DNTT: variants seen among roughly 807,000 people sequenced by gnomAD.
DNTT encodes DNA nucleotidylexotransferase.
DNTT carries 47 observed loss-of-function variants against 60.9 expected under a neutral mutation model. The observed-to-expected ratio is 0.77, with a 90% CI of 0.61 to 0.98. The LOEUF (loss-of-function observed/expected upper bound fraction) is 0.98. Ranked by LOEUF, DNTT falls within the 50% of genes least tolerant of loss-of-function variation. DNTT has a pLI of 0.00. For synonymous variants in DNTT, 224 were observed against 221.2 expected (o/e 1.01, Z -0.11); for missense variants, 665 against 627.5 (o/e 1.06, Z -0.64).
chr10:96,324,244 C>T (rs1013320167), intron 5 of DNTT, 22 bp from the exon 6 acceptor site: 4 of 1,607,224 alleles, frequency 2.5e-6, no homozygotes, highest in African/African-American at 1.3e-5. Context: ...AGACTGATGG[C>T]ATGCCTTTCC....
chr10:96,319,500 C>T (rs1355599237), intron 3 of DNTT, 110 bp downstream of exon 3: 3 of 1,481,388 alleles, frequency 2.0e-6, no homozygotes, highest in Non-Finnish European at 2.8e-6. Flanking sequence ...AAGTTTTCCT[C>T]CCACCTACCT....
intron 10 of DNTT, among the ~76,000 whole-genome samples, chr10:96,336,651 G>C (rs952851339): frequency 2.0e-5 from 3 of 152,104 alleles, no homozygotes; most frequent in Non-Finnish European, 4.4e-5. Context: ...AAAATAACTA[G>C]AAGTAATGGT....
intron 8 of DNTT, among the ~76,000 whole-genome samples, chr10:96,329,707 C>T (rs577763241): frequency 9.9e-5 from 15 of 152,280 alleles, no homozygotes; most frequent in African/African-American, 3.6e-4. Context: ...CAAACTGACA[C>T]GAGTTTGAAT....
chr10:96,315,951 C>T (rs1346564674), intron 1 of DNTT, among the ~76,000 whole-genome samples: 1 of 152,070 alleles, frequency 6.6e-6, no homozygotes, highest in Non-Finnish European at 1.5e-5. Flanking sequence ...TAGAATGTTG[C>T]TTTGCCATGA....
intron 1 of DNTT, among the ~76,000 whole-genome samples, chr10:96,314,402 C>CTGTTTTTTTTT (rs1844758783): frequency 1.9e-5 from 1 of 53,230 alleles, no homozygotes. Context: ...TATCTCTTCC[C>CTGTTTTTTTTT]TTTTTTTTTT....
chr10:96,331,509 C>T (rs939333167), intron 8 of DNTT, among the ~76,000 whole-genome samples: 7 of 152,078 alleles, frequency 4.6e-5, no homozygotes, highest in Non-Finnish European at 1.0e-4. Flanking sequence ...AGAGAGAAAG[C>T]AAGACAGAGT....
chr10:96,325,756 G>A (rs1393171459), intron 6 of DNTT, among the ~76,000 whole-genome samples: 3 of 152,224 alleles, frequency 2.0e-5, no homozygotes, highest in Non-Finnish European at 4.4e-5. Flanking sequence ...CCTTGGAGCA[G>A]CACTACAATG....
At chr10:96,311,172 A>G (rs1844710227) in intron 1 of DNTT, among the ~76,000 whole-genome samples, 1 of 152,232 alleles carries the variant, frequency 6.6e-6, no homozygotes. Context: ...AGGATACTGA[A>G]ACAGATCAGT....
intron 9 of DNTT, among the ~76,000 whole-genome samples, chr10:96,333,013 T>C (rs1845026420): frequency 6.6e-6 from 1 of 152,014 alleles, no homozygotes; most frequent in Non-Finnish European, 1.5e-5. Context: ...TAGGAAACAA[T>C]TAATAAAGTG....
chr10:96,334,698 A>G (rs1226589764), intron 9 of DNTT, among the ~76,000 whole-genome samples: 1 of 152,146 alleles, frequency 6.6e-6, no homozygotes, highest in Non-Finnish European at 1.5e-5. Flanking sequence ...TTCATTCCTA[A>G]AAAAAGGGGA....
intron 1 of DNTT, 71 bp downstream of exon 1, chr10:96,304,771 A>G: frequency 1.3e-6 from 2 of 1,514,810 alleles, no homozygotes; most frequent in Admixed American, 2.1e-5. Flanking sequence ...AACCCAAGGA[A>G]CCTGTGTTTT....
At chr10:96,307,705 GTATATATATA>G (rs1203030676) in intron 1 of DNTT, among the ~76,000 whole-genome samples, 4 of 52,882 alleles carry the variant, frequency 7.6e-5, no homozygotes, top group African/African-American at 2.7e-4. Flanking sequence ...GTGTGTGTGT[GTATATATATA>G]TATATATATA....
Position 96,338,431 on chromosome 10 carries a change from T to C in DNTT, c.*207T>C, listed in dbSNP as rs1432588246. ...ATAGGCCATGTTTATGACTGTTGCATAGAATTCACAATGCATTTTTCAAGA... is the reference window on the plus strand; with the variant it reads ...ATAGGCCATGTTTATGACTGTTGCACAGAATTCACAATGCATTTTTCAAGA... On this transcript the variant is annotated 3_prime_UTR_variant, in exon 11 of 11. Transcript: ENST00000371174. 8 of 419,688 alleles carry C rather than the reference T, an allele frequency of 1.9e-5. No individual in the cohort carries two copies. Among genetic ancestry groups the C allele is most frequent in the Non-Finnish European group, 1.7e-5 (4 of 236,572 alleles). 26.0% of individuals were successfully genotyped at this position (419,688 alleles called of 1,614,324 possible).
At chr10:96,336,343 G>A (rs1487075261) in intron 10 of DNTT, among the ~76,000 whole-genome samples, 1 of 152,122 alleles carries the variant, frequency 6.6e-6, no homozygotes, top group African/African-American at 2.4e-5. Context: ...AATGCAGGGG[G>A]CAGTGGCATT....
chr10:96,320,758 C>T lies in DNTT; in HGVS notation c.648C>T (p.Cys216=). 6.2e-7 allele frequency: 1 copy of T among 1,613,676 alleles called. No homozygotes were observed. Among genetic ancestry groups the T allele is most frequent in the Non-Finnish European group, 8.5e-7 (1 of 1,179,724 alleles). ...TGAAGGACACAGAAGGAATTCCCTG[C>T]CTGGGGTCCAAGGTGAAGGGTATCA... is the stretch of plus-strand genomic sequence containing the variant. The part of the protein sequence containing the change: ...ISMKDTEGIP[C]LGSKVKGIIE... The change falls in exon 4 of 11, where the codon TGC becomes TGT. Residue 216 remains cysteine (C), a synonymous_variant. Coordinates refer to ENST00000371174, the MANE Select transcript of DNTT (RefSeq NM_004088.4).
rs571930329 is a variant in DNTT at position 96,327,523 on chromosome 10, C to T, written c.930C>T (p.Ala310=). 2.5e-5 allele frequency: 40 copies of T among 1,613,920 alleles called. No homozygotes were observed. The highest frequency in any genetic ancestry group is 1.3e-4 in the African/African-American group (10 of 74,904). Residue 310 remains alanine, a synonymous_variant, in exon 7 of 11, where the codon GCC becomes GCT. Coordinates refer to ENST00000371174, the MANE Select transcript of DNTT (RefSeq NM_004088.4). ...VSCVTRAEAE[A]VSVLVKEAVW... Reference sequence around the variant, plus strand: ...GTGTGACCAGGGCAGAAGCAGAGGCCGTCAGTGTGCTGGTTAAAGAGGCTG... The same window carrying T: ...GTGTGACCAGGGCAGAAGCAGAGGCTGTCAGTGTGCTGGTTAAAGAGGCTG...
intron 3 of DNTT, among the ~76,000 whole-genome samples, chr10:96,319,921 G>T (rs561295453): frequency 2.0e-5 from 3 of 152,260 alleles, no homozygotes; most frequent in East Asian, 3.9e-4. Context: ...CCCTCAGATT[G>T]GTAATTGTGT....
At chr10:96,306,608 T>G (rs958043586) in intron 1 of DNTT, 1 of 152,236 alleles carries the variant, frequency 6.6e-6, no homozygotes, top group African/African-American at 2.4e-5. Flanking sequence ...AGGCAGGCAC[T>G]CAGGGAGATG....
rs980281072 is a variant in DNTT, at chr10:96,338,282, T to C, written c.*58T>C. 6.6e-7 allele frequency: 1 copy of C among 1,517,246 alleles called. No individual in the cohort carries two copies. The highest frequency in any genetic ancestry group is 1.9e-5 in the Admixed American group (1 of 53,794). The allele number at this position is 1,517,246 out of a possible 1,614,324, so 94.0% of individuals were successfully genotyped here. A position where few individuals can be genotyped will look rare whatever the true frequency, so the allele number is the denominator to read the frequency against. ...TTCAAGTTAAATAAATTATGCTTCA[T>C]ATTAGTAAAAGATGCCATAGGAGAG... is the stretch of plus-strand genomic sequence containing the variant. On this transcript the variant is annotated 3_prime_UTR_variant, in exon 11 of 11. Transcript: ENST00000371174.
Sources: allele counts gnomAD v4.1 joint callset (sites outside exome capture counted in the v4.1 genomes callset), GRCh38; gene constraint gnomAD v4.1.1; transcripts MANE v1.5; gene names NCBI Gene and HGNC (gene_info 2026-07-23, HGNC 2026-07-21).